The following PPFIBP2 variants were observed in gnomAD, a reference collection of about 807,000 sequenced individuals.
PPFIBP2 encodes the protein PPFIB scaffold protein 2.
Under a neutral mutation model 118.3 loss-of-function variants are expected in PPFIBP2, and 118 were observed. That is an observed-to-expected ratio of 1.00 (90% confidence interval 0.86 to 1.16). PPFIBP2 has a LOEUF of 1.16. Ranked by LOEUF, PPFIBP2 falls within the 50% of genes most tolerant of loss-of-function variation. PPFIBP2 has a pLI of 0.00. For synonymous variants in PPFIBP2, 414 were observed against 397.4 expected (o/e 1.04, Z -0.50); for missense variants, 1,195 against 1,073.1 (o/e 1.11, Z -1.59).
intron 15 of PPFIBP2, chr11:7,641,125 C>T (rs1852132350): frequency 8.3e-7 from 1 of 1,209,796 alleles, no homozygotes; most frequent in Non-Finnish European, 1.1e-6. Context: ...CCTACCCTAA[C>T]CCTCCCCTTC....
chr11:7,592,179 G>A (rs1425029657), intron 3 of PPFIBP2, among the ~76,000 whole-genome samples: 1 of 152,242 alleles, frequency 6.6e-6, no homozygotes, highest in East Asian at 1.9e-4. Flanking sequence ...CCTCTGGGTG[G>A]CCTATTGCAG....
In PPFIBP2 at chr11:7,583,390, G is replaced by A. The variant is rs201756571; in HGVS notation, c.280-9742G>A. Among the ~76,000 whole-genome samples the A allele has an allele frequency of 1.1e-4, 16 of 152,266 alleles. No homozygotes were observed. In the East Asian group the frequency reaches 2.3e-3, roughly 22 times the overall value. On this transcript the variant is annotated intron_variant, in intron 3 of 23. Coordinates refer to ENST00000299492, the MANE Select transcript of PPFIBP2 (RefSeq NM_003621.5). ...CCAGGGGAGCTAAGACAGTCACAGC[G>A]CCCACTCCACCCTAACTGTAGCACC...
intron 21 of PPFIBP2, among the ~76,000 whole-genome samples, chr11:7,650,461 C>T (rs918465814): frequency 6.6e-6 from 1 of 152,190 alleles, no homozygotes; most frequent in Non-Finnish European, 1.5e-5. Flanking sequence ...AATCATTGGC[C>T]ACACCAGGGA....
Position 7,625,887 on chromosome 11 carries a change from G to A in PPFIBP2, c.822G>A (p.Glu274=). The A allele has an allele frequency of 1.9e-6, 3 of 1,613,588 alleles. No homozygotes were observed. Among genetic ancestry groups the A allele is most frequent in the Non-Finnish European group, 8.5e-7 (1 of 1,179,470 alleles). ...TAALHSESHT[E]RDQEIQRLKM... is the part of the protein sequence containing the mutation. ...CTCTCCACAGTGAGAGTCACACAGA[G>A]AGAGGTGACTAGCTTGACTCTGACA... The change falls in exon 8 of 24, where the codon GAG becomes GAA. Residue 274 remains glutamate, a synonymous_variant. Transcript: ENST00000299492.
At position 7,653,289 on chromosome 11, in the gene PPFIBP2, C is replaced by T; in HGVS notation, c.*71C>T. On this transcript the variant is annotated 3_prime_UTR_variant, in exon 24 of 24. Transcript: ENST00000299492. Reference sequence around the variant, plus strand: ...CACTGTGTGTGTCACCATATAACTGCACCTCACCCCCGCACGTGTGCATGA... The same window carrying T: ...CACTGTGTGTGTCACCATATAACTGTACCTCACCCCCGCACGTGTGCATGA... The T allele has an allele frequency of 6.3e-7, 1 of 1,595,994 alleles. No individual in the cohort carries two copies. The highest frequency in any genetic ancestry group is 1.3e-5 in the African/African-American group (1 of 74,672).
intron 1 of PPFIBP2, among the ~76,000 whole-genome samples, chr11:7,532,772 G>C (rs1367922776): frequency 6.6e-6 from 1 of 152,214 alleles, no homozygotes; most frequent in African/African-American, 2.4e-5. Context: ...AAATTCTTTG[G>C]TCTTCTACTG....
intron 1 of PPFIBP2, among the ~76,000 whole-genome samples, chr11:7,528,474 A>C (rs140297864): frequency 2.3e-3 from 346 of 152,282 alleles, no homozygotes; most frequent in African/African-American, 7.9e-3. Context: ...ATCTTCTCTA[A>C]TTTATACAAA....
downstream of PPFIBP2, among the ~76,000 whole-genome samples, chr11:7,656,443 T>C (rs1040442706): frequency 3.9e-5 from 6 of 152,248 alleles, no homozygotes; most frequent in African/African-American, 1.4e-4. Flanking sequence ...TTTTTATTTA[T>C]TGGCCCACCC....
chr11:7,554,098 CTTTA>C (rs956768973), intron 2 of PPFIBP2, among the ~76,000 whole-genome samples: 13 of 152,184 alleles, frequency 8.5e-5, no homozygotes, highest in African/African-American at 2.9e-4. Context: ...ATCTTCCTCT[CTTTA>C]TTTATGTTCT....
chr11:7,525,296 T>G (rs1850124966), intron 1 of PPFIBP2, among the ~76,000 whole-genome samples: 1 of 152,182 alleles, frequency 6.6e-6, no homozygotes, highest in Non-Finnish European at 1.5e-5. Flanking sequence ...ATGGGAACAA[T>G]AATAGGCCAA....
At chr11:7,633,736 A>T (rs1297482733) in intron 12 of PPFIBP2, among the ~76,000 whole-genome samples, 1 of 152,204 alleles carries the variant, frequency 6.6e-6, no homozygotes, top group East Asian at 1.9e-4. Flanking sequence ...GGCAGTCCTT[A>T]GTTTTGGAGA....
chr11:7,651,120 T>A (rs1590817344), intron 22 of PPFIBP2, 155 bp downstream of exon 22: 1 of 799,146 alleles, frequency 1.3e-6, no homozygotes, highest in East Asian at 2.7e-5. Flanking sequence ...TTTTGATAAC[T>A]TGTCCTTGAG....
chr11:7,629,389 G>T, intron 9 of PPFIBP2, 70 bp from the exon 10 acceptor site: 1 of 1,437,394 alleles, frequency 7.0e-7, no homozygotes, highest in South Asian at 1.1e-5. Context: ...AACATAGCGT[G>T]GGTTCCAAAA....
At position 7,650,907 on chromosome 11, in the gene PPFIBP2, T is replaced by C; in HGVS notation, c.2189T>C (p.Val730Ala). Residue 730 changes from valine to alanine, a missense_variant, in exon 22 of 24, where the codon GTG (valine) becomes GCG (alanine). Transcript: ENST00000299492. ...AGGGTGATGGAGTGGTTACGATCTG[T>C]GGACCTGGCAGAGTATGCACCCAAT... ...NHRVMEWLRS[V>A]DLAEYAPNLR... 1 of 1,614,176 alleles carries C rather than the reference T, an allele frequency of 6.2e-7. No individual in the cohort carries two copies. Among genetic ancestry groups the C allele is most frequent in the Non-Finnish European group, 8.5e-7 (1 of 1,180,014 alleles).
At chr11:7,518,111 C>G (rs1482425575) in intron 1 of PPFIBP2, among the ~76,000 whole-genome samples, 1 of 152,218 alleles carries the variant, frequency 6.6e-6, no homozygotes, top group Non-Finnish European at 1.5e-5. Context: ...GCATTTGAAA[C>G]TCTGCCTGTT....
At chr11:7,666,834 G>A in the PPFIBP2 span, 1 of 283,928 alleles carries the variant, frequency 3.5e-6, no homozygotes, top group South Asian at 4.4e-5. Context: ...GCCAAGCGCT[G>A]GCCAGGATGG....
At chr11:7,589,718 G>A (rs979361718) in intron 3 of PPFIBP2, among the ~76,000 whole-genome samples, 7 of 152,042 alleles carry the variant, frequency 4.6e-5, no homozygotes, top group African/African-American at 1.7e-4. Flanking sequence ...GACTTCATGC[G>A]TGGAGAGCTG....
intron 2 of PPFIBP2, among the ~76,000 whole-genome samples, chr11:7,551,787 C>T (rs891094096): frequency 5.3e-5 from 8 of 152,226 alleles, no homozygotes; most frequent in Admixed American, 1.3e-4. Context: ...CTGATTTCTC[C>T]ATACAGGCAT....
At chr11:7,607,776 C>T (rs1847576029) in intron 5 of PPFIBP2, among the ~76,000 whole-genome samples, 1 of 152,146 alleles carries the variant, frequency 6.6e-6, no homozygotes, top group Non-Finnish European at 1.5e-5. Context: ...TAGTCCATCT[C>T]TAGCTGTTTA....
Sources: allele counts gnomAD v4.1 joint callset (sites outside exome capture counted in the v4.1 genomes callset), GRCh38; gene constraint gnomAD v4.1.1; transcripts MANE v1.5; gene names NCBI Gene and HGNC (gene_info 2026-07-23, HGNC 2026-07-21).